The following ABCA13 variants were observed in gnomAD, a reference collection of about 807,000 sequenced individuals.
The protein encoded by ABCA13 is ATP binding cassette subfamily A member 13, also known as ATP-binding cassette sub-family A member 13.
In ABCA13, 476 loss-of-function variants were observed where a neutral mutation model predicts 478.7. That is an observed-to-expected ratio of 0.99 (90% CI 0.92 to 1.07). The LOEUF (loss-of-function observed/expected upper bound fraction) is 1.07, where lower values mean the gene tolerates loss of function less well. ABCA13 is among the 50% of genes least tolerant of loss of function. The pLI is 0.00. For synonymous variants in ABCA13, 2,252 were observed against 2,158.9 expected (o/e 1.04, Z -1.20); for missense variants, 6,060 against 5,910.6 (o/e 1.03, Z -0.83).
chr7:48,434,006 C>G (rs1443505617), intron 42 of ABCA13, among the ~76,000 whole-genome samples: 1 of 151,684 alleles, frequency 6.6e-6, no homozygotes, highest in African/African-American at 2.4e-5. Flanking sequence ...TGTTCAAGCC[C>G]CCTGCTTTTA....
rs184652839 is a variant in ABCA13 at position 48,394,402 on chromosome 7, T to C, written c.11873+2263T>C. The stretch of plus-strand genomic sequence containing the variant: ...CGTTCGTGTTGTGATGGGCTCCGTG[T>C]GTAGCCTGCCTCACTGCCGTCCTGG... On this transcript the variant is annotated intron_variant, in intron 38 of 61. Transcript: ENST00000435803. 1.6e-4 allele frequency among the ~76,000 whole-genome samples: 24 copies of C among 152,280 alleles called. No individual in the cohort carries two copies. The East Asian group carries it at 3.5e-3, about 22-fold the overall frequency.
intron 43 of ABCA13, among the ~76,000 whole-genome samples, chr7:48,459,331 G>C (rs1247030382): frequency 6.6e-6 from 1 of 152,124 alleles, no homozygotes; most frequent in East Asian, 1.9e-4. Context: ...AGGTCCTCCT[G>C]GTGCCTCTGC....
intron 29 of ABCA13, among the ~76,000 whole-genome samples, chr7:48,345,523 A>AT (rs397764358): frequency 6.6e-6 from 1 of 151,766 alleles, no homozygotes; most frequent in Non-Finnish European, 1.5e-5. Flanking sequence ...TTAACAAAAA[A>AT]TTTAAAAAGA....
intron 55 of ABCA13, among the ~76,000 whole-genome samples, chr7:48,537,431 A>G (rs911271237): frequency 6.6e-6 from 1 of 152,326 alleles, no homozygotes; most frequent in African/African-American, 2.4e-5. Flanking sequence ...GAATTTTCTC[A>G]GCAAGGCAAT....
intron 3 of ABCA13, among the ~76,000 whole-genome samples, chr7:48,205,045 G>A (rs574829292): frequency 6.6e-5 from 10 of 152,304 alleles, no homozygotes; most frequent in Non-Finnish European, 1.3e-4. Flanking sequence ...TTCTCTCCTT[G>A]CCCTGCCTAG....
intron 2 of ABCA13, among the ~76,000 whole-genome samples, chr7:48,194,816 C>G (rs992147403): frequency 1.3e-5 from 2 of 151,690 alleles, no homozygotes; most frequent in African/African-American, 2.4e-5. Context: ...AGTAAAATAT[C>G]ATTTAAGAAA....
Position 48,481,109 on chromosome 7 carries a change from G to T in ABCA13, c.13049G>T (p.Gly4350Val). ...HLGHTLLNLS[G>V]FNMEEYLLAP... is the part of the protein sequence containing the mutation. ...GGCCACACACTGTTGAATCTCTCAG[G>T]CTTCAATATGGAGGAGTACTTGCTG... Residue 4350 changes from glycine to valine, a missense_variant, in exon 46 of 62, where the codon GGC becomes GTC. Coordinates refer to ENST00000435803, the MANE Select transcript of ABCA13 (RefSeq NM_152701.5). 1 of 1,599,422 alleles carries T rather than the reference G, an allele frequency of 6.3e-7. No homozygotes were observed. Among genetic ancestry groups the T allele is most frequent in the Non-Finnish European group, 8.5e-7 (1 of 1,172,648 alleles).
intron 42 of ABCA13, among the ~76,000 whole-genome samples, chr7:48,440,897 A>C (rs1454588929): frequency 1.3e-5 from 2 of 152,136 alleles, no homozygotes; most frequent in East Asian, 3.8e-4. Context: ...TTAAGAAAGA[A>C]CCCTGAAGAA....
chr7:48,408,549 C>T (rs1315744728), intron 39 of ABCA13, among the ~76,000 whole-genome samples: 1 of 152,110 alleles, frequency 6.6e-6, no homozygotes, highest in Non-Finnish European at 1.5e-5. Context: ...GTCTACGTTC[C>T]ATAGTTTATT....
chr7:48,212,717 G>T (rs1394144300), intron 3 of ABCA13, among the ~76,000 whole-genome samples: 2 of 151,942 alleles, frequency 1.3e-5, no homozygotes, highest in East Asian at 3.9e-4. Context: ...TGTGTTTATT[G>T]GCCATTTCAA....
At position 48,248,543 on chromosome 7, in the gene ABCA13, T is replaced by C. The variant is rs924304890; in HGVS notation, c.1865+99T>C. ...AATGATAGATCAATATGGTAGATTA[T>C]ATTTTGAATAGAAAGAGGTTCAATT... On this transcript the variant is annotated intron_variant, in intron 14 of 61. Transcript: ENST00000435803. The C allele has an allele frequency of 6.8e-5, 67 of 989,390 alleles. 2 individuals carry two copies. In the African/African-American group the frequency reaches 1.0e-3, roughly 15 times the overall value. The allele number at this position is 989,390 out of a possible 1,614,324, so 61.3% of individuals were successfully genotyped here. A position where few individuals can be genotyped will look rare whatever the true frequency, so the allele number is the denominator to read the frequency against.
chr7:48,617,093 A>G (rs915361944), intron 59 of ABCA13, among the ~76,000 whole-genome samples: 1 of 152,210 alleles, frequency 6.6e-6, no homozygotes, highest in Non-Finnish European at 1.5e-5. Context: ...AACCTATAAT[A>G]AACAAACACA....
chr7:48,378,751 A>G (rs968147091), intron 35 of ABCA13, among the ~76,000 whole-genome samples: 8 of 152,158 alleles, frequency 5.3e-5, no homozygotes, highest in Admixed American at 2.0e-4. Flanking sequence ...AGATCTGCTG[A>G]TTTTACTTCA....
At chr7:48,382,464 G>A (rs1261678802) in intron 35 of ABCA13, among the ~76,000 whole-genome samples, 1 of 152,166 alleles carries the variant, frequency 6.6e-6, no homozygotes, top group African/African-American at 2.4e-5. Flanking sequence ...AGTCTTCAAT[G>A]TGCCCAGCAC....
intron 20 of ABCA13, among the ~76,000 whole-genome samples, chr7:48,290,237 TGGG>T (rs1429003045): frequency 1.8e-4 from 28 of 152,208 alleles, no homozygotes; most frequent in Middle Eastern, 3.2e-3. Context: ...CTGTATTTCC[TGGG>T]CTAAGCTGAG....
In ABCA13 at chr7:48,321,507, C is replaced by G. The variant is rs1235256472; in HGVS notation, c.9999+4211C>G. Among the ~76,000 whole-genome samples, 3 of 152,176 alleles carry G rather than the reference C, an allele frequency of 2.0e-5. No individual in the cohort carries two copies. In the East Asian group the frequency reaches 5.8e-4, roughly 29 times the overall value. Reference sequence around the variant, plus strand: ...CTACCCATGTGTCTTGGGGGATAGTCCCTGTGTAGGCCGGCCCTGAGCTAG... The same window carrying G: ...CTACCCATGTGTCTTGGGGGATAGTGCCTGTGTAGGCCGGCCCTGAGCTAG... On this transcript the variant is annotated intron_variant, in intron 27 of 61. Coordinates refer to ENST00000435803, the MANE Select transcript of ABCA13 (RefSeq NM_152701.5).
At chr7:48,284,048 G>A (rs1375838930) in intron 19 of ABCA13, among the ~76,000 whole-genome samples, 1 of 152,198 alleles carries the variant, frequency 6.6e-6, no homozygotes, top group East Asian at 1.9e-4. Flanking sequence ...CCTGCAAGTT[G>A]AAGATGCATC....
chr7:48,250,492 C>G (rs893262902), intron 15 of ABCA13, among the ~76,000 whole-genome samples: 5 of 152,274 alleles, frequency 3.3e-5, no homozygotes, highest in African/African-American at 9.6e-5. Flanking sequence ...CGCCTCTAGT[C>G]ACCAGTCATT....
intron 46 of ABCA13, among the ~76,000 whole-genome samples, chr7:48,482,439 T>C (rs187246707): frequency 6.6e-6 from 1 of 152,032 alleles, no homozygotes; most frequent in Non-Finnish European, 1.5e-5. Context: ...TGGAGTGCAG[T>C]GGCACGATGT....
Sources: allele counts gnomAD v4.1 joint callset (sites outside exome capture counted in the v4.1 genomes callset), GRCh38; gene constraint gnomAD v4.1.1; transcripts MANE v1.5; gene names NCBI Gene and HGNC (gene_info 2026-07-23, HGNC 2026-07-21).